The following FNIP1 variants were observed in gnomAD, a reference collection of about 807,000 sequenced individuals.
FNIP1 encodes folliculin interacting protein 1.
In FNIP1, 40 loss-of-function variants were observed where a neutral mutation model predicts 124.5. The observed-to-expected ratio is 0.32, with a 90% CI of 0.25 to 0.42. The LOEUF is 0.42. FNIP1 is among the 10% of genes least tolerant of loss of function. The probability of loss-of-function intolerance (pLI) is 1.00; values close to 1 mark genes in which losing one functional copy is unlikely to be tolerated. For missense variants in FNIP1, 1,176 were observed against 1,403.7 expected (o/e 0.84, Z 2.59); for synonymous variants, 472 against 470.6 (o/e 1.00, Z -0.04).
rs1767727859 is a variant in FNIP1 at position 131,670,811 on chromosome 5, T to TAGTAAAATCAAG, written c.2940-192_2940-181dup. Among the ~76,000 whole-genome samples the TAGTAAAATCAAG allele has an allele frequency of 3.3e-5, 5 of 152,166 alleles. No individual in the cohort carries two copies. The South Asian group carries it at 1.0e-3, about 32-fold the overall frequency. On this transcript the variant is annotated intron_variant, in intron 14 of 17. Coordinates refer to ENST00000510461, the MANE Select transcript of FNIP1 (RefSeq NM_133372.3). Reference sequence around the variant, plus strand: ...AAAATTAAGAGTAAAATGGTAATAATAGTAAAATCAAGAGTAAAATCATCG... The same window carrying TAGTAAAATCAAG: ...AAAATTAAGAGTAAAATGGTAATAATAGTAAAATCAAGAGTAAAATCAAGAGTAAAATCATCG...
At chr5:131,650,374 G>A (rs1000139480) in intron 16 of FNIP1, among the ~76,000 whole-genome samples, 9 of 152,090 alleles carry the variant, frequency 5.9e-5, no homozygotes, top group Admixed American at 5.2e-4. Flanking sequence ...TCTTTTTGGT[G>A]CTATTGTAAG....
intron 1 of FNIP1, among the ~76,000 whole-genome samples, chr5:131,785,143 A>ATCATATATAT (rs1317489317): frequency 8.6e-5 from 1 of 11,650 alleles, no homozygotes; most frequent in African/African-American, 2.0e-4. Flanking sequence ...CTATATATAT[A>ATCATATATAT]GTCATATATA....
intron 6 of FNIP1, among the ~76,000 whole-genome samples, chr5:131,715,509 A>G (rs1358725418): frequency 6.6e-6 from 1 of 152,158 alleles, no homozygotes; most frequent in Admixed American, 6.6e-5. Context: ...AAACAAAAAA[A>G]ACCCATAATT....
chr5:131,724,700 T>C (rs1295341891), intron 3 of FNIP1, among the ~76,000 whole-genome samples: 1 of 152,176 alleles, frequency 6.6e-6, no homozygotes, highest in East Asian at 1.9e-4. Context: ...GCAGAAGCTC[T>C]TTAATTAGAT....
At chr5:131,792,412 C>T (rs998987607) in intron 1 of FNIP1, among the ~76,000 whole-genome samples, 23 of 152,122 alleles carry the variant, frequency 1.5e-4, no homozygotes, top group African/African-American at 5.1e-4. Flanking sequence ...CCACCTGCCT[C>T]GGCCTCCCAA....
intron 2 of FNIP1, among the ~76,000 whole-genome samples, chr5:131,738,164 T>G (rs1180167012): frequency 6.6e-6 from 1 of 151,734 alleles, no homozygotes; most frequent in African/African-American, 2.4e-5. Flanking sequence ...ATGCCCAGCT[T>G]CAGTATAGTT....
intron 3 of FNIP1, among the ~76,000 whole-genome samples, chr5:131,723,952 C>T (rs1769763837): frequency 6.6e-6 from 1 of 150,504 alleles, no homozygotes; most frequent in Non-Finnish European, 1.5e-5. Context: ...TGAGTGAGAA[C>T]ATGCAGTGCT....
chr5:131,719,231 G>A lies in FNIP1; in HGVS notation c.455+86C>T, dbSNP rs935557340. ...AAATGGAGTATGACAAGCTCAATCT[G>A]AGTGAAGATCATATAAAATTCTCTC... On this transcript the variant is annotated intron_variant, in intron 4 of 17. Transcript: ENST00000510461. 3 of 1,255,250 alleles carry A rather than the reference G, an allele frequency of 2.4e-6. No homozygotes were observed. In the African/African-American group the frequency reaches 4.6e-5, roughly 19 times the overall value. 77.8% of individuals were successfully genotyped at this position (1,255,250 alleles called of 1,614,324 possible).
chr5:131,672,414 T>C lies in FNIP1; in HGVS notation c.2030A>G (p.Lys677Arg). 6.2e-7 allele frequency: 1 copy of C among 1,614,036 alleles called. No homozygotes were observed. The highest frequency in any genetic ancestry group is 8.5e-7 in the Non-Finnish European group (1 of 1,180,038). ...TCCTGTGCAAACAACTGTCTCTAAC[T>C]TGGCGTCAAAGCAAGTTCTTAATTT... ...RDKLRTCFDA[K>R]LETVVCTGSV... The change falls in exon 14 of 18, where the codon AAG becomes AGG. Residue 677 changes from lysine to arginine, a missense_variant. Lys to Arg is a conservative substitution (Grantham distance 26). Coordinates refer to ENST00000510461, the MANE Select transcript of FNIP1 (RefSeq NM_133372.3).
chr5:131,755,775 G>A (rs1771031113), intron 1 of FNIP1, among the ~76,000 whole-genome samples: 1 of 151,984 alleles, frequency 6.6e-6, no homozygotes. Context: ...TTGGGAGGCC[G>A]AGGCTGGTGG....
In FNIP1 at chr5:131,643,334, TTTC is replaced by T. The variant is rs755978210; in HGVS notation, c.*1348_*1350del. 2.0e-5 allele frequency: 3 copies of T among 152,752 alleles called. No individual in the cohort carries two copies. The highest frequency in any genetic ancestry group is 4.8e-5 in the African/African-American group (2 of 41,450). 9.5% of individuals were successfully genotyped at this position (152,752 alleles called of 1,614,324 possible). ...TTTAATAACTGAATAAACAAGTGGTTTTCTTTTTTTAATCAATGATGAAATTAT... is the reference window on the plus strand; with the variant it reads ...TTTAATAACTGAATAAACAAGTGGTTTTTTTTTAATCAATGATGAAATTAT... On this transcript the variant is annotated 3_prime_UTR_variant, in exon 18 of 18. Coordinates refer to ENST00000510461, the MANE Select transcript of FNIP1 (RefSeq NM_133372.3).
At position 131,796,309 on chromosome 5, in the gene FNIP1, G is replaced by C. The variant is rs75595617; in HGVS notation, c.92+521C>G. On this transcript the variant is annotated intron_variant, in intron 1 of 17. Transcript: ENST00000510461. ...TAGCGTCCAAGAAACCTGAAAGAAC[G>C]GCACGTTGCCTACTCGCTCCTCCAG... is the stretch of plus-strand genomic sequence containing the variant. 6.1e-3 allele frequency: 937 copies of C among 154,186 alleles called. 6 individuals carry two copies. The highest frequency in any genetic ancestry group is 0.021 in the African/African-American group (889 of 41,592). 9.6% of individuals were successfully genotyped at this position (154,186 alleles called of 1,614,324 possible). A position where few individuals can be genotyped will look rare whatever the true frequency, so the allele number is the denominator to read the frequency against.
intron 1 of FNIP1, among the ~76,000 whole-genome samples, chr5:131,765,095 G>A (rs1489334478): frequency 2.6e-5 from 4 of 151,992 alleles, no homozygotes; most frequent in African/African-American, 7.2e-5. Context: ...GCTGGTGCAC[G>A]CCTGTAGTCC....
intron 10 of FNIP1, among the ~76,000 whole-genome samples, chr5:131,702,370 G>A (rs1320450385): frequency 5.9e-5 from 9 of 151,980 alleles, no homozygotes; most frequent in Admixed American, 3.3e-4. Flanking sequence ...TGTAGAGACC[G>A]GGTCTTGCCA....
intron 1 of FNIP1, among the ~76,000 whole-genome samples, chr5:131,794,838 G>GA (rs1393157696): frequency 6.6e-6 from 1 of 152,214 alleles, no homozygotes; most frequent in African/African-American, 2.4e-5. Context: ...GACTATGACA[G>GA]AAAGTATCAG....
At chr5:131,735,383 C>T (rs1331300562) in intron 2 of FNIP1, among the ~76,000 whole-genome samples, 2 of 151,614 alleles carry the variant, frequency 1.3e-5, no homozygotes, top group Non-Finnish European at 2.9e-5. Context: ...GGGTGCAGCA[C>T]ACCAACATGG....
In FNIP1 at chr5:131,734,786, G is replaced by A. The variant is rs182571226; in HGVS notation, c.220-3748C>T. ...GATATCTCACACCAGTTAGAATGGC[G>A]ATCATTAAAAAGTCAGGAAACAACA... On this transcript the variant is annotated intron_variant, in intron 2 of 17. Coordinates refer to ENST00000510461, the MANE Select transcript of FNIP1 (RefSeq NM_133372.3). 3.2e-4 allele frequency among the ~76,000 whole-genome samples: 48 copies of A among 152,244 alleles called. No homozygotes were observed. The East Asian group carries it at 6.4e-3, about 20-fold the overall frequency.
At chr5:131,729,485 G>A (rs1001294956) in intron 3 of FNIP1, among the ~76,000 whole-genome samples, 4 of 152,206 alleles carry the variant, frequency 2.6e-5, no homozygotes, top group African/African-American at 9.6e-5. Flanking sequence ...TTTACACTCA[G>A]TTGGAAATGC....
chr5:131,706,193 T>C lies in FNIP1; in HGVS notation c.914+218A>G, dbSNP rs537348068. On this transcript the variant is annotated intron_variant, in intron 9 of 17. Coordinates refer to ENST00000510461, the MANE Select transcript of FNIP1 (RefSeq NM_133372.3). Reference sequence around the variant, plus strand: ...TGATGGTTGCACAACAATATGAAGGTATTTAAACAAATGTCACTGAACTGT... The same window carrying C: ...TGATGGTTGCACAACAATATGAAGGCATTTAAACAAATGTCACTGAACTGT... Among the ~76,000 whole-genome samples the C allele has an allele frequency of 2.6e-5, 4 of 152,272 alleles. No homozygotes were observed. The South Asian group carries it at 8.3e-4, about 32-fold the overall frequency.
Sources: gnomAD v4.1 joint callset for allele counts (sites outside exome capture counted in the v4.1 genomes callset) on GRCh38, gnomAD v4.1.1 for gene constraint, MANE v1.5 for transcripts, NCBI Gene and HGNC (gene_info 2026-07-23, HGNC 2026-07-21) for gene names.